PCSK5: variants seen among roughly 807,000 people sequenced by gnomAD.
The protein encoded by PCSK5 is prohormone convertase 5.
PCSK5 carries 129 observed loss-of-function variants against 233.2 expected under a neutral mutation model. That is an observed-to-expected ratio of 0.55 (90% CI 0.48 to 0.64). The LOEUF (loss-of-function observed/expected upper bound fraction) is 0.64, where lower values mean the gene tolerates loss of function less well. Ranked by LOEUF, PCSK5 falls within the 30% of genes least tolerant of loss-of-function variation. The pLI is 0.00. For synonymous variants in PCSK5, 825 were observed against 879.2 expected, an observed-to-expected ratio of 0.94 and a Z score of 1.09; for missense variants, 2,076 against 2,430.1, an observed-to-expected ratio of 0.85 and a Z score of 3.06.
chr9:76,171,243 A>G lies in PCSK5; in HGVS notation c.1756+1403A>G, dbSNP rs568653496. 5.3e-5 allele frequency among the ~76,000 whole-genome samples: 8 copies of G among 152,254 alleles called. No homozygotes were observed. The East Asian group carries it at 1.5e-3, about 29-fold the overall frequency. On this transcript the variant is annotated intron_variant, in intron 13 of 37. Transcript: ENST00000674117. ...TCTCCTTTCTTCCTCTTTGCAGCGC[A>G]TGCTTATTGCCCTGCCATGAGGTTG...
intron 3 of PCSK5, among the ~76,000 whole-genome samples, chr9:76,011,337 T>A (rs1827722412): frequency 6.6e-6 from 1 of 152,202 alleles, no homozygotes; most frequent in African/African-American, 2.4e-5. Context: ...CCTGGACATA[T>A]TATTGGCCTG....
intron 20 of PCSK5, chr9:76,193,594 C>T (rs1231936228): frequency 2.5e-6 from 1 of 404,174 alleles, no homozygotes; most frequent in Non-Finnish European, 4.4e-6. Flanking sequence ...GTGTTTAGTG[C>T]TAAACAGCCA....
intron 37 of PCSK5, among the ~76,000 whole-genome samples, chr9:76,356,337 T>C (rs7034265): frequency 0.2 from 30,786 of 152,190 alleles, 3,198 homozygotes; most frequent in Middle Eastern, 0.28. Flanking sequence ...TGCTCTTGAT[T>C]ACCTGATCCT....
chr9:76,075,338 C>A (rs2131609669), intron 7 of PCSK5, among the ~76,000 whole-genome samples: 1 of 152,116 alleles, frequency 6.6e-6, no homozygotes, highest in South Asian at 2.1e-4. Context: ...TTTCACTTGC[C>A]TTTAAAAGCG....
chr9:76,115,554 G>A (rs970830640), intron 9 of PCSK5, among the ~76,000 whole-genome samples: 1 of 152,076 alleles, frequency 6.6e-6, no homozygotes, highest in Admixed American at 6.6e-5. Flanking sequence ...TTGAGGGTTT[G>A]TGGATTTTAC....
intron 2 of PCSK5, among the ~76,000 whole-genome samples, chr9:75,960,486 A>G (rs1825301962): frequency 6.6e-6 from 1 of 152,200 alleles, no homozygotes; most frequent in Non-Finnish European, 1.5e-5. Context: ...ACTAATTTTA[A>G]TATTCTGGGA....
chr9:76,268,463 T>A (rs1420391212), intron 24 of PCSK5, among the ~76,000 whole-genome samples: 1 of 152,250 alleles, frequency 6.6e-6, no homozygotes, highest in Non-Finnish European at 1.5e-5. Context: ...TCAGTCATAA[T>A]CAGTCTAAAA....
intron 5 of PCSK5, among the ~76,000 whole-genome samples, chr9:76,033,975 T>A (rs1241826283): frequency 2.0e-5 from 3 of 152,204 alleles, no homozygotes; most frequent in Non-Finnish European, 2.9e-5. Context: ...CAGCCATAGA[T>A]TTTATATTCA....
intron 27 of PCSK5, among the ~76,000 whole-genome samples, chr9:76,298,315 T>C (rs987112902): frequency 7.9e-5 from 12 of 152,144 alleles, no homozygotes; most frequent in Non-Finnish European, 1.8e-4. Context: ...TATCACAATG[T>C]AATGTTTTTG....
intron 29 of PCSK5, among the ~76,000 whole-genome samples, chr9:76,310,227 G>C (rs1828826026): frequency 6.7e-6 from 1 of 148,622 alleles, no homozygotes; most frequent in African/African-American, 2.5e-5. Context: ...CAGCCTGGGA[G>C]ATAGAGCAAG....
Position 76,296,731 on chromosome 9 carries a change from C to A in PCSK5, c.3389C>A (p.Ser1130Tyr). ...GACCAAGAAATGGGAGAATGTGAGT[C>A]CTGCCACCGAGCATGCGAAACCTGC... ...YGDQEMGECE[S>Y]CHRACETCTG... Residue 1130 changes from serine to tyrosine, a missense_variant, in exon 27 of 38, where the codon TCC (serine) becomes TAC (tyrosine). Transcript: ENST00000674117. 6.2e-7 allele frequency: 1 copy of A among 1,612,266 alleles called. No homozygotes were observed. The highest frequency in any genetic ancestry group is 8.5e-7 in the Non-Finnish European group (1 of 1,179,470).
chr9:76,082,707 T>C (rs976275353), intron 7 of PCSK5, among the ~76,000 whole-genome samples: 1 of 151,952 alleles, frequency 6.6e-6, no homozygotes, highest in Non-Finnish European at 1.5e-5. Flanking sequence ...CTTGGAATCA[T>C]CTTTTTTGCC....
chr9:76,110,282 G>T (rs1832157546), intron 9 of PCSK5, among the ~76,000 whole-genome samples: 1 of 152,168 alleles, frequency 6.6e-6, no homozygotes, highest in African/African-American at 2.4e-5. Context: ...ATGAAAAGCT[G>T]CAAGAGTCTG....
chr9:76,110,920 C>T (rs1419305787), intron 9 of PCSK5, among the ~76,000 whole-genome samples: 1 of 152,054 alleles, frequency 6.6e-6, no homozygotes, highest in Non-Finnish European at 1.5e-5. Flanking sequence ...ACCAGCCTGC[C>T]GACTTGGCAA....
intron 35 of PCSK5, among the ~76,000 whole-genome samples, chr9:76,340,421 G>A (rs1036210224): frequency 1.3e-5 from 2 of 152,052 alleles, no homozygotes; most frequent in Admixed American, 1.3e-4. Flanking sequence ...TGAGGTGGGC[G>A]GATCACCTGA....
intron 2 of PCSK5, among the ~76,000 whole-genome samples, chr9:75,939,587 C>T (rs1261259706): frequency 6.6e-6 from 1 of 152,094 alleles, no homozygotes; most frequent in Non-Finnish European, 1.5e-5. Flanking sequence ...AGATCATTTT[C>T]TTTCATTTTC....
chr9:75,894,614 A>G lies in PCSK5; in HGVS notation c.192+3241A>G, dbSNP rs544240663. Among the ~76,000 whole-genome samples the G allele has an allele frequency of 1.2e-4, 18 of 152,302 alleles. 1 individual carries two copies. In the South Asian group the frequency reaches 3.7e-3, roughly 32 times the overall value. On this transcript the variant is annotated intron_variant, in intron 1 of 37. Transcript: ENST00000674117. ...TTGTTAGTTGTTGTCATGTTAGCAT[A>G]TATTATCTTTTGGTTGGTATCGGAG... is the stretch of plus-strand genomic sequence containing the variant.
At chr9:76,051,943 C>T (rs1447962034) in intron 5 of PCSK5, among the ~76,000 whole-genome samples, 1 of 152,114 alleles carries the variant, frequency 6.6e-6, no homozygotes, top group Non-Finnish European at 1.5e-5. Flanking sequence ...CTAATAGACC[C>T]AATGCAGAAG....
chr9:76,088,900 GGGTTTTGGT>G lies in PCSK5; in HGVS notation c.895-6986_895-6978del, dbSNP rs530615815. 6.5e-4 allele frequency among the ~76,000 whole-genome samples: 99 copies of G among 151,422 alleles called. No individual in the cohort carries two copies. The East Asian group carries it at 0.019, about 29-fold the overall frequency. On this transcript the variant is annotated intron_variant, in intron 7 of 37. Coordinates refer to ENST00000674117, the MANE Select transcript of PCSK5 (RefSeq NM_001372043.1). ...TACAAAAAACAGTAGTTTTTAAAGGGGGTTTTGGTGGTGTTCGTGAGGTTTTTTAATTTT... is the reference window on the plus strand; with the variant it reads ...TACAAAAAACAGTAGTTTTTAAAGGGGGTGTTCGTGAGGTTTTTTAATTTT...
Sources: allele counts gnomAD v4.1 joint callset (sites outside exome capture counted in the v4.1 genomes callset), GRCh38; gene constraint gnomAD v4.1.1; transcripts MANE v1.5; gene names NCBI Gene and HGNC (gene_info 2026-07-23, HGNC 2026-07-21).